Variants in USP34 observed in about 807,000 individuals in gnomAD.
USP34 encodes ubiquitin carboxyl-terminal hydrolase 34.
Under a neutral mutation model 460.3 loss-of-function variants are expected in USP34, and 70 were observed. The ratio of observed to expected loss-of-function variants is 0.15; its 90% confidence interval spans 0.13 to 0.19. USP34 has a LOEUF of 0.19. USP34 is among the 10% of genes least tolerant of loss of function. The probability of loss-of-function intolerance (pLI) is 1.00; values close to 1 mark genes in which losing one functional copy is unlikely to be tolerated. For missense variants in USP34, 3,985 were observed against 4,236.2 expected, an observed-to-expected ratio of 0.94 and a Z score of 1.65; for synonymous variants, 1,647 against 1,405.3, an observed-to-expected ratio of 1.17 and a Z score of -3.85.
chr2:61,460,632 G>C (rs1167234468), intron 1 of USP34, among the ~76,000 whole-genome samples: 1 of 126,724 alleles, frequency 7.9e-6, no homozygotes, highest in Non-Finnish European at 1.7e-5. Flanking sequence ...GGATAAGGGG[G>C]GAATACTGTA....
intron 2 of USP34, among the ~76,000 whole-genome samples, chr2:61,408,320 T>C (rs908119728): frequency 2.6e-5 from 4 of 152,194 alleles, no homozygotes; most frequent in Admixed American, 1.3e-4. Context: ...CATTGAAACT[T>C]TGAGGATAAT....
At position 61,189,088 on chromosome 2, in the gene USP34, G is replaced by A; in HGVS notation, c.9874-19C>T. ...TCAGGTCCTACAAAAACCCAGATAG[G>A]AACATTTCAAATTCTAAAGCCAACA... On this transcript the variant is annotated intron_variant, in intron 78 of 79. Coordinates refer to ENST00000398571, the MANE Select transcript of USP34 (RefSeq NM_014709.4). The A allele has an allele frequency of 6.3e-7, 1 of 1,598,850 alleles. No individual in the cohort carries two copies. Among genetic ancestry groups the A allele is most frequent in the Non-Finnish European group, 8.5e-7 (1 of 1,174,164 alleles).
intron 5 of USP34, among the ~76,000 whole-genome samples, chr2:61,389,450 A>C (rs1275956991): frequency 2.0e-5 from 3 of 152,232 alleles, no homozygotes; most frequent in Non-Finnish European, 4.4e-5. Context: ...AGTGATTAAA[A>C]ATTTCAATTA....
intron 41 of USP34, among the ~76,000 whole-genome samples, chr2:61,276,246 C>T (rs1233959052): frequency 2.0e-5 from 3 of 152,086 alleles, no homozygotes; most frequent in East Asian, 1.9e-4. Flanking sequence ...ACATAAACTA[C>T]GGATTAAAAT....
rs533616293 is a variant in USP34, at chr2:61,355,012, C to T, written c.1252-4319G>A. On this transcript the variant is annotated intron_variant, in intron 10 of 79. Transcript: ENST00000398571. Reference sequence around the variant, plus strand: ...GCTGTATCCCCCATGAGGCACTTGTCTCTATCCTGCAAGACAGGCACTCCC... The same window carrying T: ...GCTGTATCCCCCATGAGGCACTTGTTTCTATCCTGCAAGACAGGCACTCCC... Among the ~76,000 whole-genome samples, 4 of 152,322 alleles carry T rather than the reference C, an allele frequency of 2.6e-5. No individual in the cohort carries two copies. The South Asian group carries it at 8.3e-4, about 32-fold the overall frequency.
rs184199757 is a variant in USP34 at position 61,238,940 on chromosome 2, C to T, written c.6778-2551G>A. 4.1e-3 allele frequency among the ~76,000 whole-genome samples: 623 copies of T among 151,732 alleles called. 4 individuals carry two copies. Among genetic ancestry groups the T allele is most frequent in the African/African-American group, 0.014 (573 of 41,450 alleles). Reference sequence around the variant, plus strand: ...TGTCTCTGTCACACTGTGGTAATTCCTGAAATATTTCAAACATTTTCATCA... The same window carrying T: ...TGTCTCTGTCACACTGTGGTAATTCTTGAAATATTTCAAACATTTTCATCA... On this transcript the variant is annotated intron_variant, in intron 53 of 79. Coordinates refer to ENST00000398571, the MANE Select transcript of USP34 (RefSeq NM_014709.4).
chr2:61,283,333 C>A, intron 36 of USP34, 64 bp from the exon 37 acceptor site: 1 of 1,581,032 alleles, frequency 6.3e-7, no homozygotes, highest in South Asian at 1.2e-5. Flanking sequence ...ACACAATGTT[C>A]AATATTAAAG....
chr2:61,229,477 A>G (rs1687827822), intron 59 of USP34, 71 bp downstream of exon 59: 1 of 665,950 alleles, frequency 1.5e-6, no homozygotes, highest in Non-Finnish European at 2.0e-6. Flanking sequence ...AAAAAAAAAC[A>G]AAAAAAAAAA....
intron 1 of USP34, among the ~76,000 whole-genome samples, chr2:61,429,213 C>T (rs1236453422): frequency 1.1e-4 from 16 of 151,860 alleles, no homozygotes; most frequent in South Asian, 4.2e-4. Flanking sequence ...TTTGGGAGGC[C>T]GAGGCAGGCG....
chr2:61,456,721 G>A (rs1414328403), intron 1 of USP34, among the ~76,000 whole-genome samples: 2 of 152,010 alleles, frequency 1.3e-5, no homozygotes, highest in Non-Finnish European at 2.9e-5. Flanking sequence ...GGGAGGCTGA[G>A]GCAGGAGGAT....
At chr2:61,353,493 G>A (rs1692013111) in intron 10 of USP34, among the ~76,000 whole-genome samples, 1 of 151,326 alleles carries the variant, frequency 6.6e-6, no homozygotes, top group South Asian at 2.1e-4. Context: ...CCAGGTTCAA[G>A]TGATTCTCAT....
At chr2:61,235,752 G>C (rs1688049163) in intron 57 of USP34, 93 bp downstream of exon 57, 1 of 1,317,588 alleles carries the variant, frequency 7.6e-7, no homozygotes, top group African/African-American at 1.5e-5. Context: ...CCCTGTGACA[G>C]ATAAAACAAC....
Position 61,295,032 on chromosome 2 carries a change from C to T in USP34, c.4378G>A (p.Gly1460Arg). The T allele has an allele frequency of 1.9e-6, 3 of 1,609,854 alleles. No homozygotes were observed. The highest frequency in any genetic ancestry group is 1.7e-6 in the Non-Finnish European group (2 of 1,178,934). Residue 1460 changes from glycine to arginine, a missense_variant and splice_region_variant, in exon 32 of 80, where the codon GGA (glycine) becomes AGA (arginine). Physicochemically the swap from Gly to Arg is moderately radical, Grantham distance 125 (BLOSUM62 -2). This residue lies in a region of USP34 where 1,114 missense variants were observed against 1,122.5 expected (regional missense o/e 0.99). Transcript: ENST00000398571. ...TCTGGATAAAGATCACTGTAACTTC[C>T]CTATGAGAAAGGCAAAAAAAGTAAG... ...PNRRIRREST[G>R]SYSDLYPDSD...
In USP34 at chr2:61,470,987, G is replaced by A. The variant is rs1167554668; in HGVS notation, c.-295C>T. ...AAGGACGGGGGGAGGGGAGAGGGGG[G>A]GAGGGGGCGGGTGGGGAGAGAAGCA... On this transcript the variant is annotated 5_prime_UTR_variant, in exon 1 of 80. Transcript: ENST00000398571. Among the ~76,000 whole-genome samples, 3 of 141,644 alleles carry A rather than the reference G, an allele frequency of 2.1e-5. No individual in the cohort carries two copies. Among genetic ancestry groups the A allele is most frequent in the Non-Finnish European group, 4.7e-5 (3 of 63,314 alleles). The allele number at this position is 141,644 out of a possible 152,430, so 92.9% of individuals were successfully genotyped here.
intron 75 of USP34, among the ~76,000 whole-genome samples, chr2:61,196,334 C>T (rs537019697): frequency 1.3e-5 from 2 of 151,414 alleles, no homozygotes; most frequent in South Asian, 4.2e-4. Flanking sequence ...TCGTGATCCA[C>T]CCACCTTGAC....
chr2:61,446,571 A>G (rs1186708), intron 1 of USP34, among the ~76,000 whole-genome samples: 123,134 of 152,024 alleles, frequency 0.81, 50,587 homozygotes, highest in African/African-American at 0.95. Context: ...CAAGGCGGGC[A>G]GATCACTTAA....
chr2:61,326,308 A>G (rs1204880249), intron 20 of USP34, among the ~76,000 whole-genome samples: 1 of 152,162 alleles, frequency 6.6e-6, no homozygotes, highest in African/African-American at 2.4e-5. Flanking sequence ...TCCAGGTTCA[A>G]GTGATTCTCG....
intron 1 of USP34, among the ~76,000 whole-genome samples, chr2:61,462,636 G>A (rs564171572): frequency 5.4e-4 from 82 of 151,942 alleles, no homozygotes; most frequent in African/African-American, 1.5e-3. Context: ...TGAGGCAAGC[G>A]GATCACTTGA....
intron 21 of USP34, among the ~76,000 whole-genome samples, chr2:61,323,201 G>A (rs1455767066): frequency 6.6e-6 from 1 of 152,102 alleles, no homozygotes; most frequent in Non-Finnish European, 1.5e-5. Context: ...GCAACATAAT[G>A]AGACTCTGTA....
Sources: gnomAD v4.1 joint callset for allele counts (sites outside exome capture counted in the v4.1 genomes callset) on GRCh38, gnomAD v4.1.1 for gene constraint, gnomAD v4.1.1 regional missense constraint, MANE v1.5 for transcripts, NCBI Gene and HGNC (gene_info 2026-07-23, HGNC 2026-07-21) for gene names.